Variants in DACH1 observed in about 807,000 individuals in gnomAD.
The protein encoded by DACH1 is dachshund family transcription factor 1, also known as dachshund homolog 1.
DACH1 carries 12 observed loss-of-function variants against 54.2 expected under a neutral mutation model. The observed-to-expected ratio is 0.22, with a 90% CI of 0.14 to 0.36. The LOEUF is 0.36. Among genes scored for constraint, DACH1 ranks in the 10% least tolerant of loss-of-function variants. The pLI is 1.00. For missense variants in DACH1, 805 were observed against 929.8 expected, an observed-to-expected ratio of 0.87 and a Z score of 1.75; for synonymous variants, 386 against 366.2, an observed-to-expected ratio of 1.05 and a Z score of -0.62.
At chr13:71,579,247 T>A (rs572329040) in intron 3 of DACH1, among the ~76,000 whole-genome samples, 2 of 152,160 alleles carry the variant, frequency 1.3e-5, no homozygotes, top group African/African-American at 4.8e-5. Context: ...ATCAAAACTT[T>A]GTTAATTCTA....
chr13:71,494,292 C>A (rs1879231489), intron 6 of DACH1, among the ~76,000 whole-genome samples: 1 of 151,952 alleles, frequency 6.6e-6, no homozygotes, highest in African/African-American at 2.4e-5. Context: ...TAGCAATATG[C>A]AATGGTATGA....
At chr13:71,842,945 T>C (rs1290491582) in intron 1 of DACH1, among the ~76,000 whole-genome samples, 4 of 152,148 alleles carry the variant, frequency 2.6e-5, no homozygotes, top group African/African-American at 9.7e-5. Context: ...TTAAAGAGAA[T>C]CTTCATTTTC....
chr13:71,519,042 G>A (rs2138275827), intron 6 of DACH1, among the ~76,000 whole-genome samples: 1 of 151,974 alleles, frequency 6.6e-6, no homozygotes, highest in Admixed American at 6.6e-5. Context: ...GGAGAGTCGA[G>A]TAGTTGAGTA....
chr13:71,494,972 A>G (rs1432926270), intron 6 of DACH1, among the ~76,000 whole-genome samples: 1 of 152,050 alleles, frequency 6.6e-6, no homozygotes, highest in African/African-American at 2.4e-5. Flanking sequence ...ATGGGCCTCT[A>G]CTTTTAAAAT....
intron 3 of DACH1, among the ~76,000 whole-genome samples, chr13:71,615,209 A>T (rs1279598737): frequency 1.3e-5 from 2 of 152,306 alleles, no homozygotes; most frequent in East Asian, 3.9e-4. Context: ...ATAAAATACA[A>T]CTTCTATTTA....
At chr13:71,552,822 TATATATATATATATATATATAGAG>T (rs1418017798) in intron 6 of DACH1, among the ~76,000 whole-genome samples, 20 of 53,908 alleles carry the variant, frequency 3.7e-4, no homozygotes, top group African/African-American at 8.1e-4. Context: ...TATATATATA[TATATATATATATATATATATAGAG>T]AGAGAGAGAG....
chr13:71,859,935 G>C (rs1179900914), intron 1 of DACH1, among the ~76,000 whole-genome samples: 1 of 151,838 alleles, frequency 6.6e-6, no homozygotes, highest in Non-Finnish European at 1.5e-5. Flanking sequence ...GCAAAATGTA[G>C]GTTTGCACAG....
At chr13:71,678,468 AC>A (rs1411820174) in intron 2 of DACH1, among the ~76,000 whole-genome samples, 1 of 152,190 alleles carries the variant, frequency 6.6e-6, no homozygotes, top group Non-Finnish European at 1.5e-5. Flanking sequence ...ACTTCTGGCA[AC>A]CTAAAATCTT....
At chr13:71,456,613 C>G (rs1609739) in intron 10 of DACH1, among the ~76,000 whole-genome samples, 130,258 of 152,014 alleles carry the variant, frequency 0.86, 58,811 homozygotes, top group Non-Finnish European at 0.99. Context: ...CACAGTTGCA[C>G]TTGGACGATA....
intron 6 of DACH1, among the ~76,000 whole-genome samples, chr13:71,533,238 G>A (rs1022151521): frequency 5.9e-5 from 9 of 151,880 alleles, no homozygotes; most frequent in South Asian, 2.1e-4. Context: ...ATTGCAATTA[G>A]AGAAATTTTT....
intron 3 of DACH1, among the ~76,000 whole-genome samples, chr13:71,617,282 C>T (rs980539714): frequency 6.6e-6 from 1 of 152,178 alleles, no homozygotes; most frequent in African/African-American, 2.4e-5. Context: ...TTAGGGAATA[C>T]TGTCTACTGT....
intron 1 of DACH1, among the ~76,000 whole-genome samples, chr13:71,823,451 CTTAT>C (rs1315134343): frequency 8.6e-5 from 13 of 152,008 alleles, no homozygotes; most frequent in Non-Finnish European, 1.5e-4. Flanking sequence ...AAGTGATTAA[CTTAT>C]TTAAACTTTT....
At chr13:71,514,668 T>G (rs1019977222) in intron 6 of DACH1, among the ~76,000 whole-genome samples, 1 of 151,864 alleles carries the variant, frequency 6.6e-6, no homozygotes, top group Admixed American at 6.6e-5. Flanking sequence ...AACATGCATA[T>G]CCTTTATGTT....
intron 3 of DACH1, among the ~76,000 whole-genome samples, chr13:71,590,767 T>A (rs192961570): frequency 6.6e-6 from 1 of 152,198 alleles, no homozygotes; most frequent in African/African-American, 2.4e-5. Flanking sequence ...TAACTTTTAG[T>A]TCATCTTCAT....
In DACH1 at chr13:71,530,038, AT is replaced by A. The variant is rs1882309198; in HGVS notation, c.1570+26985del. Among the ~76,000 whole-genome samples the A allele has an allele frequency of 2.0e-5, 3 of 152,342 alleles. No homozygotes were observed. In the South Asian group the frequency reaches 6.2e-4, roughly 32 times the overall value. ...TCTCTTTTTGAAAGGTCTTATCTAA[AT>A]CAAATTAAAAGACCTTTCATGCCAT... On this transcript the variant is annotated intron_variant, in intron 6 of 10. Transcript: ENST00000613252.
At chr13:71,441,980 A>G (rs1270798637) in intron 10 of DACH1, among the ~76,000 whole-genome samples, 1 of 152,090 alleles carries the variant, frequency 6.6e-6, no homozygotes, top group Admixed American at 6.6e-5. Flanking sequence ...GCATGCATGC[A>G]TAATAATCAC....
intron 7 of DACH1, among the ~76,000 whole-genome samples, chr13:71,485,355 C>A (rs1878396909): frequency 6.6e-6 from 1 of 151,342 alleles, no homozygotes; most frequent in African/African-American, 2.4e-5. Flanking sequence ...CTCTAGATAT[C>A]TGTATCCATT....
chr13:71,739,199 C>A (rs1454541907), intron 1 of DACH1, among the ~76,000 whole-genome samples: 2 of 151,934 alleles, frequency 1.3e-5, no homozygotes, highest in Non-Finnish European at 2.9e-5. Flanking sequence ...TTGTGGTGAG[C>A]CGAGATCGCG....
chr13:71,719,417 A>G (rs1386778104), intron 1 of DACH1, among the ~76,000 whole-genome samples: 1 of 152,160 alleles, frequency 6.6e-6, no homozygotes, highest in Non-Finnish European at 1.5e-5. Flanking sequence ...TACAAACTTA[A>G]CACCCCACAT....
Sources: gnomAD v4.1 joint callset for allele counts (sites outside exome capture counted in the v4.1 genomes callset) on GRCh38, gnomAD v4.1.1 for gene constraint, MANE v1.5 for transcripts, NCBI Gene and HGNC (gene_info 2026-07-23, HGNC 2026-07-21) for gene names.